The following RASGEF1C variants were observed in gnomAD, a reference collection of about 807,000 sequenced individuals.
RASGEF1C encodes the protein ras-GEF domain-containing family member 1C.
In RASGEF1C, 27 loss-of-function variants were observed where a neutral mutation model predicts 58.1. The ratio of observed to expected loss-of-function variants is 0.46; its 90% CI spans 0.34 to 0.64. The LOEUF (loss-of-function observed/expected upper bound fraction) is 0.64. Ranked by LOEUF, RASGEF1C falls within the 30% of genes least tolerant of loss-of-function variation. RASGEF1C has a pLI of 0.01. For synonymous variants in RASGEF1C, 243 were observed against 246.3 expected (o/e 0.99, Z 0.13); for missense variants, 502 against 605.1 (o/e 0.83, Z 1.79).
rs776215170 is a variant in RASGEF1C at position 180,115,576 on chromosome 5, C to T, written c.1084-1035G>A. Among the ~76,000 whole-genome samples the T allele has an allele frequency of 3.8e-4, 58 of 152,242 alleles. 1 individual carries two copies. The highest frequency in any genetic ancestry group is 1.3e-3 in the African/African-American group (52 of 41,558). On this transcript the variant is annotated intron_variant, in intron 10 of 13. Transcript: ENST00000361132. ...TTTGCTAATCCCAACTCCCCACTGC[C>T]GGCTGGGTTTAGTCTCCATCTGTGC...
At chr5:180,193,207 C>A (rs1468462129) in intron 1 of RASGEF1C, among the ~76,000 whole-genome samples, 2 of 116,520 alleles carry the variant, frequency 1.7e-5, no homozygotes, top group Non-Finnish European at 3.9e-5. Context: ...AGGTGCCCGC[C>A]ACCGCACCCG....
At chr5:180,174,487 T>TCTGTGCGC (rs1325925708) in intron 1 of RASGEF1C, among the ~76,000 whole-genome samples, 3 of 126,238 alleles carry the variant, frequency 2.4e-5, no homozygotes, top group African/African-American at 5.5e-5. Flanking sequence ...TGTCTGTGTG[T>TCTGTGCGC]GCGCGTGTGT....
At chr5:180,181,579 T>C (rs1767327127) in intron 1 of RASGEF1C, among the ~76,000 whole-genome samples, 1 of 152,118 alleles carries the variant, frequency 6.6e-6, no homozygotes, top group Non-Finnish European at 1.5e-5. Flanking sequence ...GGGCAGAGAC[T>C]GGAGTGATGC....
chr5:180,184,180 A>T lies in RASGEF1C; in HGVS notation c.-7+24848T>A, dbSNP rs151000380. Among the ~76,000 whole-genome samples, 185 of 142,426 alleles carry T rather than the reference A, an allele frequency of 1.3e-3. 3 individuals carry two copies. Among genetic ancestry groups the T allele is most frequent in the Middle Eastern group, 3.6e-3 (1 of 276 alleles). The allele number at this position is 142,426 out of a possible 152,430, so 93.4% of individuals were successfully genotyped here. A position where few individuals can be genotyped will look rare whatever the true frequency, so the allele number is the denominator to read the frequency against. ...CTCCATCTTGAAATAAATAAATAAA[A>T]ATAAATAAATAAATAAATAAATAAA... On this transcript the variant is annotated intron_variant, in intron 1 of 13. Coordinates refer to ENST00000361132, the MANE Select transcript of RASGEF1C (RefSeq NM_175062.4).
rs1767055811 is a variant in RASGEF1C, at chr5:180,168,611, G to A, written c.-6-30553C>T. Among the ~76,000 whole-genome samples, 1 of 152,088 alleles carries A rather than the reference G, an allele frequency of 6.6e-6. No homozygotes were observed. ...TTGCCAGGGCTATGCCTGATTCCAG[G>A]GCCAAGGTGTGGGGGTCAGAGAGTG... On this transcript the variant is annotated intron_variant, in intron 1 of 13. Coordinates refer to ENST00000361132, the MANE Select transcript of RASGEF1C (RefSeq NM_175062.4). This position sits in a 1 kb window ranked among gnomAD's most constrained non-coding sequence, Gnocchi z 6.0.
At position 180,169,021 on chromosome 5, in the gene RASGEF1C, G is replaced by A. The variant is rs74421375; in HGVS notation, c.-6-30963C>T. Among the ~76,000 whole-genome samples the A allele has an allele frequency of 4.4e-3, 677 of 152,194 alleles. 8 individuals carry two copies. Among genetic ancestry groups the A allele is most frequent in the African/African-American group, 0.015 (642 of 41,554 alleles). On this transcript the variant is annotated intron_variant, in intron 1 of 13. Transcript: ENST00000361132. ...AAGCCCTCAAGTAGCTTCTCTGTGC[G>A]TTCTGTTGGTTTTAAGCTGTGTTCA...
At chr5:180,114,364 G>A in intron 11 of RASGEF1C, 82 bp downstream of exon 11, 1 of 1,345,740 alleles carries the variant, frequency 7.4e-7, no homozygotes, top group Non-Finnish European at 1.0e-6. Flanking sequence ...CCATGAGGCT[G>A]GGTGTCCAAG....
chr5:180,107,735 A>T (rs1765894312), intron 12 of RASGEF1C, among the ~76,000 whole-genome samples: 1 of 152,158 alleles, frequency 6.6e-6, no homozygotes, highest in African/African-American at 2.4e-5. Context: ...CAGCCACCCA[A>T]GTAGCTGGGA....
intron 1 of RASGEF1C, among the ~76,000 whole-genome samples, chr5:180,149,384 T>C (rs961959613): frequency 1.0e-4 from 15 of 149,916 alleles, no homozygotes; most frequent in African/African-American, 3.4e-4. Flanking sequence ...TGAGCCACTG[T>C]GCCCGCCAAG....
chr5:180,197,485 G>A lies in RASGEF1C; in HGVS notation c.-7+11543C>T, dbSNP rs1756299931. On this transcript the variant is annotated intron_variant, in intron 1 of 13. Coordinates refer to ENST00000361132, the MANE Select transcript of RASGEF1C (RefSeq NM_175062.4). The surrounding 1 kb of genome is among the most constrained non-coding windows in gnomAD (Gnocchi z 4.7). ...GGGTGGTCCACGTGATGGACAGATG[G>A]GAGGCTGTGAGCAGAGAGAGGCCCA... Among the ~76,000 whole-genome samples, 1 of 152,192 alleles carries A rather than the reference G, an allele frequency of 6.6e-6. No individual in the cohort carries two copies. The highest frequency in any genetic ancestry group is 1.5e-5 in the Non-Finnish European group (1 of 68,032).
At chr5:180,127,760 G>T (rs1212215243) in intron 5 of RASGEF1C, 77 bp from the exon 6 acceptor site, 1 of 1,343,528 alleles carries the variant, frequency 7.4e-7, no homozygotes, top group Non-Finnish European at 1.0e-6. Flanking sequence ...CTGCCGTGGT[G>T]CCCCAGCCCC....
At chr5:180,175,436 G>C (rs749089577) in intron 1 of RASGEF1C, among the ~76,000 whole-genome samples, 2 of 152,182 alleles carry the variant, frequency 1.3e-5, no homozygotes, top group African/African-American at 2.4e-5. Flanking sequence ...CTCAGATTTG[G>C]GGCTTCTTGG....
intron 1 of RASGEF1C, among the ~76,000 whole-genome samples, chr5:180,176,762 T>C (rs963229406): frequency 2.0e-5 from 3 of 152,128 alleles, no homozygotes; most frequent in Non-Finnish European, 4.4e-5. Context: ...TTCACCATGT[T>C]GGCCAGGATG....
At chr5:180,113,610 G>C (rs367693704) in intron 11 of RASGEF1C, among the ~76,000 whole-genome samples, 21 of 80,410 alleles carry the variant, frequency 2.6e-4, no homozygotes, top group African/African-American at 4.0e-4. Flanking sequence ...CGGAGGGATC[G>C]GGGATGGACG....
At chr5:180,127,577 C>T (rs780907430) in intron 6 of RASGEF1C, 32 bp downstream of exon 6, 2 of 1,579,374 alleles carry the variant, frequency 1.3e-6, no homozygotes, top group East Asian at 4.6e-5. Flanking sequence ...GGGTGAGGCT[C>T]ACTTTTGGGA....
intron 7 of RASGEF1C, among the ~76,000 whole-genome samples, 191 bp downstream of exon 7, chr5:180,120,869 C>T (rs1417460439): frequency 6.6e-6 from 1 of 152,016 alleles, no homozygotes; most frequent in Non-Finnish European, 1.5e-5. Flanking sequence ...GGCCTGGGTT[C>T]TACTTGGAGG....
intron 1 of RASGEF1C, among the ~76,000 whole-genome samples, chr5:180,171,906 C>T (rs1189451291): frequency 1.3e-5 from 2 of 152,122 alleles, no homozygotes; most frequent in African/African-American, 4.8e-5. Context: ...GTGGGGCGGG[C>T]CCCTCAGCTG....
Position 180,137,670 on chromosome 5 carries a change from T to A in RASGEF1C, c.220A>T (p.Ile74Phe). The A allele has an allele frequency of 6.2e-7, 1 of 1,612,836 alleles. No individual in the cohort carries two copies. The highest frequency in any genetic ancestry group is 8.5e-7 in the Non-Finnish European group (1 of 1,179,996). ...FTFLLSSRLF[I>F]EPRELLARVC... ...CGGGCCAGGAGCTCCCGGGGCTCGATGAAGAGGCGAGAGCTCAGCAGGAAG... is the reference window on the plus strand; with the variant it reads ...CGGGCCAGGAGCTCCCGGGGCTCGAAGAAGAGGCGAGAGCTCAGCAGGAAG... Residue 74 changes from isoleucine (I) to phenylalanine (F), a missense_variant, in exon 3 of 14, where the codon ATC becomes TTC. Ile to Phe is a conservative substitution (Grantham distance 21). Coordinates refer to ENST00000361132, the MANE Select transcript of RASGEF1C (RefSeq NM_175062.4). This position sits in a 1 kb window ranked among gnomAD's most constrained non-coding sequence, Gnocchi z 4.1.
intron 11 of RASGEF1C, among the ~76,000 whole-genome samples, 157 bp downstream of exon 11, chr5:180,114,289 G>A (rs979350966): frequency 6.6e-6 from 1 of 152,186 alleles, no homozygotes; most frequent in Non-Finnish European, 1.5e-5. Flanking sequence ...TGGATGTCAG[G>A]GTGGGAGGAC....
Sources: gnomAD v4.1 joint callset for allele counts (sites outside exome capture counted in the v4.1 genomes callset) on GRCh38, gnomAD v4.1.1 for gene constraint, Gnocchi (gnomAD v3.1) non-coding constraint, MANE v1.5 for transcripts, NCBI Gene and HGNC (gene_info 2026-07-23, HGNC 2026-07-21) for gene names.